Variants in EHHADH observed in about 807,000 individuals in gnomAD.
The protein encoded by EHHADH is peroxisomal bifunctional enzyme.
Under a neutral mutation model 64.4 loss-of-function variants are expected in EHHADH, and 48 were observed. That is an observed-to-expected ratio of 0.75 (90% CI 0.59 to 0.95). The LOEUF (loss-of-function observed/expected upper bound fraction) is 0.95, where lower values mean the gene tolerates loss of function less well. EHHADH is among the 40% of genes least tolerant of loss of function. The probability of loss-of-function intolerance (pLI) is 0.00; values close to 1 mark genes in which losing one functional copy is unlikely to be tolerated. For missense variants in EHHADH, 854 were observed against 876.6 expected, an observed-to-expected ratio of 0.97 and a Z score of 0.33; for synonymous variants, 308 against 326.7, an observed-to-expected ratio of 0.94 and a Z score of 0.62.
chr3:185,251,455 C>T (rs987846447), intron 1 of EHHADH, among the ~76,000 whole-genome samples: 3 of 152,126 alleles, frequency 2.0e-5, no homozygotes, highest in African/African-American at 7.2e-5. Context: ...GTAAAGCAAT[C>T]GTGTGAAAGC....
chr3:185,225,827 T>C (rs1718958701), intron 4 of EHHADH, among the ~76,000 whole-genome samples: 1 of 152,160 alleles, frequency 6.6e-6, no homozygotes, highest in African/African-American at 2.4e-5. Context: ...GATTTCTTCC[T>C]CCAGATATTG....
In EHHADH at chr3:185,232,728, G is replaced by C. The variant is rs376642675; in HGVS notation, c.351+2562C>G. 1.4e-4 allele frequency among the ~76,000 whole-genome samples: 21 copies of C among 152,290 alleles called. No individual in the cohort carries two copies. The East Asian group carries it at 3.7e-3, about 27-fold the overall frequency. ...CTCCCAAAGTGCTGGGATTACAGGC[G>C]TGAGCCACTGTTCTTGGCCTATAAT... On this transcript the variant is annotated intron_variant, in intron 3 of 6. Coordinates refer to ENST00000231887, the MANE Select transcript of EHHADH (RefSeq NM_001966.4).
At position 185,220,508 on chromosome 3, in the gene EHHADH, A is replaced by T. The variant is rs1718803581; in HGVS notation, c.464-2268T>A. ...GCCTAGGTGTGTAATAGGCTATACC[A>T]TCTAGGTTTGTGTAAGTAAACCATG... On this transcript the variant is annotated intron_variant, in intron 4 of 6. Transcript: ENST00000231887. 4.6e-5 allele frequency among the ~76,000 whole-genome samples: 7 copies of T among 152,314 alleles called. No individual in the cohort carries two copies. The South Asian group carries it at 1.4e-3, about 32-fold the overall frequency.
rs1274650307 is a variant in EHHADH at position 185,193,089 on chromosome 3, C to G, written c.1309G>C (p.Ala437Pro). 6.2e-7 allele frequency: 1 copy of G among 1,613,748 alleles called. No homozygotes were observed. Among genetic ancestry groups the G allele is most frequent in the East Asian group, 2.2e-5 (1 of 44,902 alleles). The part of the protein sequence containing the change: ...LVIGTHFFSP[A>P]HVMKLLEVIP... ...ACCTCTAACAACTTCATGACATGAGCTGGCGAAAAGAAGTGGGTGCCAATG... is the reference window on the plus strand; with the variant it reads ...ACCTCTAACAACTTCATGACATGAGGTGGCGAAAAGAAGTGGGTGCCAATG... The change falls in exon 7 of 7, where the codon GCT becomes CCT. Residue 437 changes from alanine to proline, a missense_variant. Coordinates refer to ENST00000231887, the MANE Select transcript of EHHADH (RefSeq NM_001966.4).
chr3:185,193,538 C>T (rs776557191), intron 6 of EHHADH, 51 bp from the exon 7 acceptor site: 10 of 1,578,004 alleles, frequency 6.3e-6, no homozygotes, highest in Non-Finnish European at 8.6e-6. Context: ...GTATTGGGAA[C>T]TGATAAATTA....
chr3:185,204,672 C>T lies in EHHADH; in HGVS notation c.654G>A (p.Leu218=). The change falls in exon 6 of 7, where the codon TTG becomes TTA. Residue 218 remains leucine (L), a synonymous_variant. Coordinates refer to ENST00000231887, the MANE Select transcript of EHHADH (RefSeq NM_001966.4). ...NMDSIFSEAL[L]KMRRQHPGCL... Reference sequence around the variant, plus strand: ...ACCCAGGGTGCTGCCTCCGCATCTTCAAGAGGGCCTCACTAAAAATGCTGT... The same window carrying T: ...ACCCAGGGTGCTGCCTCCGCATCTTTAAGAGGGCCTCACTAAAAATGCTGT... The T allele has an allele frequency of 1.2e-6, 2 of 1,614,238 alleles. No individual in the cohort carries two copies. The highest frequency in any genetic ancestry group is 1.7e-6 in the Non-Finnish European group (2 of 1,180,038).
At chr3:185,199,586 A>G (rs770580986) in intron 6 of EHHADH, among the ~76,000 whole-genome samples, 1 of 152,240 alleles carries the variant, frequency 6.6e-6, no homozygotes, top group Admixed American at 6.5e-5. Context: ...AGGCAAAAAC[A>G]TGTTTTTACA....
At chr3:185,249,749 C>T (rs1719695789) in intron 1 of EHHADH, among the ~76,000 whole-genome samples, 1 of 152,178 alleles carries the variant, frequency 6.6e-6, no homozygotes, top group Non-Finnish European at 1.5e-5. Flanking sequence ...TCGGATATGT[C>T]TTTATAGCAG....
intron 2 of EHHADH, among the ~76,000 whole-genome samples, chr3:185,241,062 G>C (rs1020950928): frequency 2.0e-5 from 3 of 152,002 alleles, no homozygotes; most frequent in African/African-American, 7.2e-5. Context: ...ACAATATTTG[G>C]TTTTCCATTC....
At chr3:185,195,625 A>C (rs1341684388) in intron 6 of EHHADH, among the ~76,000 whole-genome samples, 1 of 152,228 alleles carries the variant, frequency 6.6e-6, no homozygotes, top group Non-Finnish European at 1.5e-5. Context: ...ACACACTTGC[A>C]ACAACATAGA....
chr3:185,221,096 A>C (rs1718820584), intron 4 of EHHADH, among the ~76,000 whole-genome samples: 1 of 152,100 alleles, frequency 6.6e-6, no homozygotes, highest in African/African-American at 2.4e-5. Context: ...AGTTCATTTT[A>C]TTTCTTTTTG....
In EHHADH at chr3:185,211,324, C is replaced by T. The variant is rs186445288; in HGVS notation, c.569-6567G>A. The stretch of plus-strand genomic sequence containing the variant: ...GGAAGTAATCAGTGATTCAAATATA[C>T]TATTAATTGAATTCTTTCCTTGACC... On this transcript the variant is annotated intron_variant, in intron 5 of 6. Coordinates refer to ENST00000231887, the MANE Select transcript of EHHADH (RefSeq NM_001966.4). 4.9e-4 allele frequency among the ~76,000 whole-genome samples: 75 copies of T among 152,274 alleles called. 1 individual carries two copies. The highest frequency in any genetic ancestry group is 9.2e-4 in the Admixed American group (14 of 15,298).
rs770917129 is a variant in EHHADH at position 185,192,436 on chromosome 3, A to G, written c.1962T>C (p.Tyr654=). 2 of 1,614,256 alleles carry G rather than the reference A, an allele frequency of 1.2e-6. No individual in the cohort carries two copies. The highest frequency in any genetic ancestry group is 4.5e-5 in the East Asian group (2 of 44,890). Residue 654 remains tyrosine (Y), a synonymous_variant, in exon 7 of 7, where the codon TAT becomes TAC. Coordinates refer to ENST00000231887, the MANE Select transcript of EHHADH (RefSeq NM_001966.4). ...GCCCGCCCTTGTGCCTTGGCCATCC[A>G]TATCCATGTAAATAGACAACATCAA... ...EHIDVVYLHG[Y]GWPRHKGGPM... is the part of the protein sequence containing the mutation.
chr3:185,191,189 C>T lies in EHHADH; in HGVS notation c.*1037G>A, dbSNP rs1043007722. The T allele has an allele frequency of 7.9e-5, 12 of 152,264 alleles. No individual in the cohort carries two copies. The highest frequency in any genetic ancestry group is 2.7e-4 in the African/African-American group (11 of 41,432). The allele number at this position is 152,264 out of a possible 1,614,324, so 9.4% of individuals were successfully genotyped here. ...CCCAGGCTGGTCTCAAATTTCTGGC[C>T]TCAAACAATCCTCCTGCCTCAGCCT... On this transcript the variant is annotated 3_prime_UTR_variant, in exon 7 of 7. Transcript: ENST00000231887.
At chr3:185,245,574 GT>G in intron 2 of EHHADH, 1 of 801,902 alleles carries the variant, frequency 1.2e-6, no homozygotes, top group South Asian at 1.4e-5. Context: ...GGAAATAAGA[GT>G]TGCATGTCCT....
chr3:185,212,838 A>T (rs1352544552), intron 5 of EHHADH, among the ~76,000 whole-genome samples: 1 of 152,062 alleles, frequency 6.6e-6, no homozygotes, highest in Non-Finnish European at 1.5e-5. Context: ...AGACTATAGC[A>T]GCTGGGTGCG....
intron 6 of EHHADH, among the ~76,000 whole-genome samples, chr3:185,197,450 C>T (rs1328892930): frequency 6.6e-6 from 1 of 152,156 alleles, no homozygotes; most frequent in African/African-American, 2.4e-5. Flanking sequence ...TGATAACTCC[C>T]CATTTTCCCT....
chr3:185,197,869 A>C (rs950639041), intron 6 of EHHADH, among the ~76,000 whole-genome samples: 1 of 147,900 alleles, frequency 6.8e-6, no homozygotes, highest in Non-Finnish European at 1.5e-5. Context: ...TGATCTCGGA[A>C]CACTGCAACC....
rs540971352 is a variant in EHHADH at position 185,198,490 on chromosome 3, C to T, written c.911-5003G>A. 2.6e-5 allele frequency among the ~76,000 whole-genome samples: 4 copies of T among 151,362 alleles called. 1 individual carries two copies. The highest frequency in any genetic ancestry group is 2.1e-4 in the South Asian group (1 of 4,748). On this transcript the variant is annotated intron_variant, in intron 6 of 6. Coordinates refer to ENST00000231887, the MANE Select transcript of EHHADH (RefSeq NM_001966.4). ...CCCACCTTGGCCCTACAAAGTGCTG[C>T]GATTACAGGGGTGAGCCACTGTGCT...
Sources: gnomAD v4.1 joint callset for allele counts (sites outside exome capture counted in the v4.1 genomes callset) on GRCh38, gnomAD v4.1.1 for gene constraint, MANE v1.5 for transcripts, NCBI Gene and HGNC (gene_info 2026-07-23, HGNC 2026-07-21) for gene names.